Variants in LIPI observed in about 807,000 individuals in gnomAD.
The protein encoded by LIPI is lipase I.
Under a neutral mutation model 50.6 loss-of-function variants are expected in LIPI, and 59 were observed. That is an observed-to-expected ratio of 1.16 (90% CI 0.94 to 1.45). The LOEUF (loss-of-function observed/expected upper bound fraction) is 1.45. Among genes scored for constraint, LIPI ranks in the 40% most tolerant of loss-of-function variants. The pLI, the probability that LIPI is intolerant of heterozygous loss-of-function variation, is 0.00. For synonymous variants in LIPI, 203 were observed against 178.2 expected, an observed-to-expected ratio of 1.14 and a Z score of -1.11; for missense variants, 586 against 536.3, an observed-to-expected ratio of 1.09 and a Z score of -0.92.
At chr21:14,157,479 T>C (rs1371438779) in intron 7 of LIPI, among the ~76,000 whole-genome samples, 1 of 151,924 alleles carries the variant, frequency 6.6e-6, no homozygotes, top group Admixed American at 6.6e-5. Context: ...TTTAATAGAA[T>C]GACTCTCTGT....
intron 9 of LIPI, among the ~76,000 whole-genome samples, chr21:14,130,184 G>A (rs2017234492): frequency 6.6e-6 from 1 of 152,156 alleles, no homozygotes; most frequent in African/African-American, 2.4e-5. Context: ...AAGAGAAAAA[G>A]TGAAAGATAG....
intron 9 of LIPI, among the ~76,000 whole-genome samples, chr21:14,120,043 G>A (rs1309398725): frequency 2.6e-5 from 4 of 152,174 alleles, no homozygotes; most frequent in African/African-American, 4.8e-5. Context: ...CCTAAATCCA[G>A]CCACACTGTT....
intron 9 of LIPI, among the ~76,000 whole-genome samples, chr21:14,130,369 G>C (rs1368044646): frequency 1.3e-5 from 2 of 152,138 alleles, no homozygotes; most frequent in Admixed American, 1.3e-4. Context: ...AAAGTGAAAT[G>C]TGAAAGATTT....
At chr21:14,144,364 C>CT (rs924807917) in intron 9 of LIPI, 13 of 287,024 alleles carry the variant, frequency 4.5e-5, no homozygotes, top group South Asian at 6.4e-5. Context: ...ATTGGTGTTA[C>CT]TTTTTTTTAT....
In LIPI at chr21:14,113,532, TATC is replaced by T. The variant is rs532362039; in HGVS notation, c.1296-4455_1296-4453del. 1.1e-3 allele frequency among the ~76,000 whole-genome samples: 165 copies of T among 152,294 alleles called. 1 individual carries two copies. The highest frequency in any genetic ancestry group is 3.7e-3 in the African/African-American group (152 of 41,558). Reference sequence around the variant, plus strand: ...AATAGAATTTTAAAATTACCAAAGCTATCATCACACTGTTGTACTATCAAATAT... The same window carrying T: ...AATAGAATTTTAAAATTACCAAAGCTATCACACTGTTGTACTATCAAATAT... On this transcript the variant is annotated intron_variant, in intron 9 of 9. Coordinates refer to ENST00000681601, the MANE Select transcript of LIPI (RefSeq NM_001302998.2).
intron 1 of LIPI, among the ~76,000 whole-genome samples, chr21:14,197,077 T>C (rs2019889028): frequency 1.3e-5 from 2 of 151,404 alleles, no homozygotes; most frequent in Admixed American, 6.6e-5. Flanking sequence ...ATATAAGTCA[T>C]TGTAACCCAT....
At chr21:14,205,839 C>A (rs1441163155) in intron 1 of LIPI, among the ~76,000 whole-genome samples, 3 of 151,900 alleles carry the variant, frequency 2.0e-5, no homozygotes, top group South Asian at 2.1e-4. Flanking sequence ...AATTTTTGTA[C>A]CTGTTTGAAA....
At position 14,189,228 on chromosome 21, in the gene LIPI, TA is replaced by T. The variant is rs1187517330; in HGVS notation, c.237del (p.Ile80PhefsTer7). 6.2e-7 allele frequency: 1 copy of T among 1,614,002 alleles called. No individual in the cohort carries two copies. Among genetic ancestry groups the T allele is most frequent in the Non-Finnish European group, 8.5e-7 (1 of 1,179,868 alleles). ...GAGCCTACTGGTCTGTATCCGTGAA[TA>T]AGCCAGACTGTTTTCTTTTGTGTGT... is the stretch of plus-strand genomic sequence containing the variant. Reference protein sequence around the residue: ...NFNTQKKTVWLIHGYRPVGSI... With the variant: ...NFNTQKKTVWXIHGYRPVGSI... On this transcript the variant is annotated frameshift_variant, in exon 2 of 10. Transcript: ENST00000681601. LOFTEE classifies it high-confidence loss of function.
At chr21:14,202,277 A>C (rs564250668) in intron 1 of LIPI, among the ~76,000 whole-genome samples, 14 of 152,340 alleles carry the variant, frequency 9.2e-5, no homozygotes, top group Admixed American at 6.5e-4. Context: ...TTATAGATTC[A>C]ATGCCATCCC....
At chr21:14,122,313 T>C (rs1331581023) in intron 9 of LIPI, among the ~76,000 whole-genome samples, 1 of 152,224 alleles carries the variant, frequency 6.6e-6, no homozygotes, top group African/African-American at 2.4e-5. Flanking sequence ...ACCCAAGTCA[T>C]GGGCAACCTC....
At chr21:14,193,303 CAAAG>C (rs1489092494) in intron 1 of LIPI, among the ~76,000 whole-genome samples, 3 of 151,752 alleles carry the variant, frequency 2.0e-5, no homozygotes, top group African/African-American at 7.3e-5. Flanking sequence ...CAATTAAACA[CAAAG>C]AAAGGCAGTA....
At chr21:14,139,207 T>G (rs1386142247) in intron 9 of LIPI, among the ~76,000 whole-genome samples, 1 of 152,116 alleles carries the variant, frequency 6.6e-6, no homozygotes, top group East Asian at 1.9e-4. Context: ...AATTTATTAG[T>G]GTATTTTATT....
chr21:14,124,092 T>C (rs1490196791), intron 9 of LIPI, among the ~76,000 whole-genome samples: 1 of 152,172 alleles, frequency 6.6e-6, no homozygotes, highest in African/African-American at 2.4e-5. Flanking sequence ...GTAGCTATAA[T>C]TGGAGGATGT....
intron 4 of LIPI, among the ~76,000 whole-genome samples, chr21:14,176,798 T>C (rs997992814): frequency 6.6e-6 from 1 of 151,362 alleles, no homozygotes; most frequent in Non-Finnish European, 1.5e-5. Flanking sequence ...CTTTTATTAT[T>C]ATTATTATAC....
At chr21:14,115,037 G>A (rs1279607103) in intron 9 of LIPI, among the ~76,000 whole-genome samples, 1 of 152,132 alleles carries the variant, frequency 6.6e-6, no homozygotes, top group Non-Finnish European at 1.5e-5. Context: ...AATTTTACAA[G>A]TATAATCAAA....
intron 7 of LIPI, among the ~76,000 whole-genome samples, chr21:14,161,980 G>T (rs981252898): frequency 7.0e-6 from 1 of 141,980 alleles, no homozygotes; most frequent in African/African-American, 2.6e-5. Flanking sequence ...ATTCCCTGGA[G>T]GTTCATCCCT....
intron 1 of LIPI, among the ~76,000 whole-genome samples, chr21:14,200,530 A>C (rs1298309892): frequency 6.6e-6 from 1 of 152,148 alleles, no homozygotes; most frequent in Non-Finnish European, 1.5e-5. Flanking sequence ...TAAAATACCT[A>C]GGAATACATC....
intron 9 of LIPI, among the ~76,000 whole-genome samples, chr21:14,130,968 T>A (rs1276755108): frequency 2.0e-5 from 3 of 152,186 alleles, no homozygotes; most frequent in Non-Finnish European, 4.4e-5. Flanking sequence ...TGTTTCGTTT[T>A]GAGACGGAGT....
At chr21:14,170,432 T>A (rs1326393929) in intron 4 of LIPI, among the ~76,000 whole-genome samples, 7 of 152,136 alleles carry the variant, frequency 4.6e-5, no homozygotes, top group Non-Finnish European at 8.8e-5. Flanking sequence ...TTTAGACCAA[T>A]ATCCTTGATG....
Sources: gnomAD v4.1 joint callset for allele counts (sites outside exome capture counted in the v4.1 genomes callset) on GRCh38, gnomAD v4.1.1 for gene constraint, MANE v1.5 for transcripts, NCBI Gene and HGNC (gene_info 2026-07-23, HGNC 2026-07-21) for gene names.